The following C10orf143 variants were observed in gnomAD, a reference collection of about 807,000 sequenced individuals.
The protein encoded by C10orf143 is uncharacterized protein C10orf143.
chr10:130,074,562 G>A (rs1861084710), intron 3 of C10orf143, among the ~76,000 whole-genome samples: 1 of 151,982 alleles, frequency 6.6e-6, no homozygotes, highest in Non-Finnish European at 1.5e-5. Flanking sequence ...CTTGACACTC[G>A]GACCCGCCCT....
intron 1 of C10orf143, among the ~76,000 whole-genome samples, chr10:130,087,836 G>A (rs1328128453): frequency 3.9e-5 from 6 of 152,160 alleles, no homozygotes; most frequent in African/African-American, 7.2e-5. Flanking sequence ...AGAGCCCAGC[G>A]CCAGCTCTGC....
chr10:130,057,513 TG>T (rs1162744017), intron 3 of C10orf143, among the ~76,000 whole-genome samples: 1 of 152,146 alleles, frequency 6.6e-6, no homozygotes. Context: ...GGTAAGCAAC[TG>T]GGGGGCCAGA....
intron 1 of C10orf143, among the ~76,000 whole-genome samples, chr10:130,105,873 G>A (rs1770572279): frequency 6.6e-6 from 1 of 152,262 alleles, no homozygotes. Flanking sequence ...GGCTGGGTGG[G>A]CAGAGTGGGC....
At chr10:130,078,746 A>G (rs1050472670) in intron 3 of C10orf143, among the ~76,000 whole-genome samples, 8 of 152,214 alleles carry the variant, frequency 5.3e-5, no homozygotes, top group African/African-American at 1.9e-4. Context: ...AGTAGCTTAC[A>G]GTATGTCAAT....
chr10:130,106,263 G>A (rs1470063349), intron 1 of C10orf143: 21 of 1,546,386 alleles, frequency 1.4e-5, no homozygotes, highest in Non-Finnish European at 1.9e-5. Context: ...CTTTATGTGG[G>A]AAGAGAGAAA....
At chr10:130,079,525 G>T (rs1374594083) in intron 3 of C10orf143, 41 bp downstream of exon 3, 1 of 398,790 alleles carries the variant, frequency 2.5e-6, no homozygotes, top group Non-Finnish European at 4.4e-6. Flanking sequence ...TTAAGAAGAA[G>T]TCTATCTTTT....
chr10:130,052,902 G>A (rs1860752498), intron 3 of C10orf143, among the ~76,000 whole-genome samples: 1 of 152,364 alleles, frequency 6.6e-6, no homozygotes, highest in East Asian at 1.9e-4. Context: ...TAGTCGAGTA[G>A]TGGTGGAGGT....
intron 1 of C10orf143, chr10:130,108,446 G>A: frequency 1.2e-6 from 1 of 801,056 alleles, no homozygotes; most frequent in Non-Finnish European, 2.3e-6. Flanking sequence ...ACCGCAGCAA[G>A]ATACCTGGCA....
At position 130,037,247 on chromosome 10, in the gene C10orf143, C is replaced by T. The variant is rs113547399; in HGVS notation, c.298-1277G>A. 6.7e-3 allele frequency among the ~76,000 whole-genome samples: 1,027 copies of T among 152,326 alleles called. 10 individuals are homozygous for T. Among genetic ancestry groups the T allele is most frequent in the African/African-American group, 0.024 (1,000 of 41,568 alleles). On this transcript the variant is annotated intron_variant and NMD_transcript_variant, in intron 3 of 5. Coordinates refer to the C10orf143 transcript ENST00000643056. ...TTGAAATTCACCAAGGCCGGGCCGC[C>T]GCTTCCGCCGTATGTTACATGTCAA...
chr10:130,081,413 G>C (rs1861206269), intron 1 of C10orf143, among the ~76,000 whole-genome samples: 1 of 152,154 alleles, frequency 6.6e-6, no homozygotes, highest in Admixed American at 6.5e-5. Context: ...ACAAGGCAGA[G>C]CAAGTACACA....
rs192046724 is a variant in C10orf143, at chr10:130,080,132, T to C, written c.70-231A>G. ...CTGATATTTACTTAGCTTTATACAT[T>C]TAAAACAGTCATTTCAAATAATTTT... is the stretch of plus-strand genomic sequence containing the variant. On this transcript the variant is annotated intron_variant, in intron 1 of 3. Transcript: ENST00000637128. Among the ~76,000 whole-genome samples the C allele has an allele frequency of 3.3e-3, 504 of 152,344 alleles. 6 individuals carry two copies. The highest frequency in any genetic ancestry group is 0.012 in the African/African-American group (479 of 41,574).
At chr10:130,109,921 C>T (rs1289771034) in intron 1 of C10orf143, among the ~76,000 whole-genome samples, 2 of 151,892 alleles carry the variant, frequency 1.3e-5, no homozygotes, top group Admixed American at 6.6e-5. Context: ...TTGAAATAAA[C>T]GAGGTTAAGT....
chr10:130,104,082 C>T (rs2134814368), intron 1 of C10orf143: 1 of 152,314 alleles, frequency 6.6e-6, no homozygotes, highest in East Asian at 1.9e-4. Flanking sequence ...GGGGCACTTA[C>T]TGTGTAAAAA....
intron 1 of C10orf143, among the ~76,000 whole-genome samples, chr10:130,083,365 A>G (rs752756964): frequency 6.6e-6 from 1 of 152,216 alleles, no homozygotes; most frequent in Non-Finnish European, 1.5e-5. Context: ...ATACAAAGCT[A>G]TATGCACATT....
At chr10:130,043,947 C>T (rs56350218) in intron 3 of C10orf143, among the ~76,000 whole-genome samples, 26,179 of 152,000 alleles carry the variant, frequency 0.17, 2,946 homozygotes, top group Non-Finnish European at 0.24. Flanking sequence ...GGTTGGGGCT[C>T]AGCCTGGGCA....
intron 1 of C10orf143, chr10:130,106,022 G>C (rs61749960): frequency 2.1e-6 from 1 of 480,148 alleles, no homozygotes; most frequent in African/African-American, 2.0e-5. Context: ...TTACTGCGGC[G>C]ACCGCCAGAG....
intron 3 of C10orf143, chr10:130,068,219 G>A (rs1860969463): frequency 6.6e-6 from 1 of 152,212 alleles, no homozygotes; most frequent in Non-Finnish European, 1.5e-5. Flanking sequence ...AGGAAAGGTG[G>A]GCAGTGGATC....
chr10:130,098,812 C>T (rs978406496), intron 1 of C10orf143, among the ~76,000 whole-genome samples: 9 of 152,096 alleles, frequency 5.9e-5, no homozygotes, highest in East Asian at 5.8e-4. Flanking sequence ...ATTGGCTGGG[C>T]GCGGTGGCTC....
intron 3 of C10orf143, among the ~76,000 whole-genome samples, chr10:130,046,558 C>T (rs1349375956): frequency 1.3e-5 from 2 of 152,214 alleles, no homozygotes; most frequent in African/African-American, 4.8e-5. Flanking sequence ...AGTTATGCTA[C>T]CATTTGATTT....
Sources: allele counts gnomAD v4.1 joint callset (sites outside exome capture counted in the v4.1 genomes callset), GRCh38; gene constraint gnomAD v4.1.1; transcripts MANE v1.5; gene names NCBI Gene and HGNC (gene_info 2026-07-23, HGNC 2026-07-21).